The following SPECC1L variants were observed in gnomAD, a reference collection of about 807,000 sequenced individuals.
The protein encoded by SPECC1L is cytospin-A.
In SPECC1L, 40 loss-of-function variants were observed where a neutral mutation model predicts 116.8. The ratio of observed to expected loss-of-function variants is 0.34; its 90% confidence interval spans 0.27 to 0.45. SPECC1L has a LOEUF of 0.45. Ranked by LOEUF, SPECC1L falls within the 20% of genes least tolerant of loss-of-function variation. SPECC1L has a pLI of 1.00. For missense variants in SPECC1L, 1,110 were observed against 1,373.6 expected, an observed-to-expected ratio of 0.81 and a Z score of 3.03; for synonymous variants, 504 against 500.6, an observed-to-expected ratio of 1.01 and a Z score of -0.09.
chr22:24,312,381 A>G (rs541246521), intron 3 of SPECC1L, among the ~76,000 whole-genome samples: 18 of 152,358 alleles, frequency 1.2e-4, no homozygotes, highest in African/African-American at 4.1e-4. Context: ...GACTTTAGAG[A>G]TTAGTTACTT....
rs117668482 is a variant in SPECC1L, at chr22:24,416,981, A to G, written c.*2358A>G. The G allele has an allele frequency of 6.6e-6, 1 of 152,484 alleles. No homozygotes were observed. The highest frequency in any genetic ancestry group is 1.9e-4 in the East Asian group (1 of 5,188). 9.4% of individuals were successfully genotyped at this position (152,484 alleles called of 1,614,324 possible). ...GAAGCATTGCCTTTTGCCTCGTCTA[A>G]TAGGATCCTTAGGACACTGTGGGCT... On this transcript the variant is annotated 3_prime_UTR_variant, in exon 17 of 17. Coordinates refer to ENST00000314328, the MANE Select transcript of SPECC1L (RefSeq NM_015330.6).
intron 6 of SPECC1L, among the ~76,000 whole-genome samples, chr22:24,325,354 A>C (rs1213190008): frequency 6.6e-6 from 1 of 152,100 alleles, no homozygotes; most frequent in African/African-American, 2.4e-5. Flanking sequence ...TAGTCTTCAC[A>C]ACAAGAACTT....
At chr22:24,313,269 T>G in intron 3 of SPECC1L, 44 bp from the exon 4 acceptor site, 1 of 1,606,896 alleles carries the variant, frequency 6.2e-7, no homozygotes, top group Non-Finnish European at 8.5e-7. Context: ...ATATCTAATC[T>G]TGCTTGATCT....
intron 12 of SPECC1L, among the ~76,000 whole-genome samples, 163 bp from the exon 13 acceptor site, chr22:24,365,313 G>GT (rs1439012154): frequency 2.0e-5 from 3 of 151,892 alleles, no homozygotes; most frequent in Admixed American, 6.6e-5. Flanking sequence ...TGGCCTCACA[G>GT]TTTTTTTAAT....
intron 14 of SPECC1L, among the ~76,000 whole-genome samples, chr22:24,372,231 G>A (rs1387539401): frequency 6.6e-6 from 1 of 152,210 alleles, no homozygotes; most frequent in Non-Finnish European, 1.5e-5. Flanking sequence ...CATTCATTCC[G>A]AAATTATTCC....
intron 14 of SPECC1L, among the ~76,000 whole-genome samples, chr22:24,394,840 G>C (rs1242918829): frequency 1.3e-5 from 2 of 152,012 alleles, no homozygotes; most frequent in Admixed American, 1.3e-4. Context: ...TTGTTTTGAG[G>C]GATTTTTTGA....
At chr22:24,302,045 CAAAA>C in intron 2 of SPECC1L, 146 bp from the exon 3 acceptor site, 3 of 464,560 alleles carry the variant, frequency 6.5e-6, no homozygotes, top group African/African-American at 2.3e-5. Flanking sequence ...GACTCCGTCT[CAAAA>C]AAAAAAAAAA....
chr22:24,291,009 G>C (rs544710054), intron 2 of SPECC1L, among the ~76,000 whole-genome samples: 86 of 152,186 alleles, frequency 5.7e-4, no homozygotes, highest in African/African-American at 2.0e-3. Context: ...CTTTCCCTGA[G>C]TTATAGTTTC....
chr22:24,279,313 A>T (rs1569400414), intron 2 of SPECC1L, among the ~76,000 whole-genome samples: 2 of 152,002 alleles, frequency 1.3e-5, no homozygotes, highest in Non-Finnish European at 2.9e-5. Context: ...GCCTGTGCTG[A>T]CCTCTACTCT....
chr22:24,352,932 C>T (rs781355982), intron 11 of SPECC1L, among the ~76,000 whole-genome samples: 1 of 152,174 alleles, frequency 6.6e-6, no homozygotes, highest in South Asian at 2.1e-4. Context: ...AGCCTAGATT[C>T]TGTGGCATTC....
At position 24,416,447 on chromosome 22, in the gene SPECC1L, G is replaced by C. The variant is rs1241056372; in HGVS notation, c.*1824G>C. ...TTTTTGTTGCTGTTCCTCTGTTGAT[G>C]GCCAGCTCTGCTGTTGGCATGAGCC... On this transcript the variant is annotated 3_prime_UTR_variant, in exon 17 of 17. Transcript: ENST00000314328. The C allele has an allele frequency of 1.3e-5, 2 of 152,362 alleles. No homozygotes were observed. Among genetic ancestry groups the C allele is most frequent in the African/African-American group, 4.8e-5 (2 of 41,460 alleles). 9.4% of individuals were successfully genotyped at this position (152,362 alleles called of 1,614,324 possible).
intron 9 of SPECC1L, among the ~76,000 whole-genome samples, chr22:24,338,023 A>C (rs892503653): frequency 6.6e-5 from 10 of 152,230 alleles, no homozygotes; most frequent in African/African-American, 2.2e-4. Context: ...TTTACCTGCC[A>C]GGCTTCTTAC....
chr22:24,326,318 A>G (rs2040820820), intron 6 of SPECC1L, among the ~76,000 whole-genome samples: 1 of 152,070 alleles, frequency 6.6e-6, no homozygotes, highest in Non-Finnish European at 1.5e-5. Flanking sequence ...AACATTAGAA[A>G]TTTTTCAGCT....
intron 3 of SPECC1L, among the ~76,000 whole-genome samples, chr22:24,304,071 G>A (rs1483343742): frequency 1.3e-5 from 2 of 152,086 alleles, no homozygotes; most frequent in East Asian, 1.9e-4. Context: ...AGACCCCACA[G>A]TGTTATTTTA....
chr22:24,387,408 T>C (rs1388553970), intron 14 of SPECC1L, among the ~76,000 whole-genome samples: 2 of 152,178 alleles, frequency 1.3e-5, no homozygotes, highest in Non-Finnish European at 2.9e-5. Flanking sequence ...AGGGATCCTT[T>C]CTGGGATTCT....
At chr22:24,309,412 T>C (rs1013394081) in intron 3 of SPECC1L, among the ~76,000 whole-genome samples, 2 of 152,190 alleles carry the variant, frequency 1.3e-5, no homozygotes, top group African/African-American at 4.8e-5. Context: ...AGTTCAATTT[T>C]TTTTTCTTTT....
intron 14 of SPECC1L, among the ~76,000 whole-genome samples, chr22:24,406,843 T>A (rs1170971616): frequency 6.6e-6 from 1 of 152,224 alleles, no homozygotes; most frequent in Non-Finnish European, 1.5e-5. Flanking sequence ...TCGTTGTTCT[T>A]ATAATTTAGT....
chr22:24,394,641 C>T (rs2042333320), intron 14 of SPECC1L, among the ~76,000 whole-genome samples: 1 of 152,212 alleles, frequency 6.6e-6, no homozygotes, highest in Admixed American at 6.5e-5. Context: ...TCTACCCTGT[C>T]ACTTTACCAC....
Position 24,396,423 on chromosome 22 carries a change from G to A in SPECC1L, c.3088-15165G>A, listed in dbSNP as rs141005085. Among the ~76,000 whole-genome samples, 1,456 of 152,050 alleles carry A rather than the reference G, an allele frequency of 9.6e-3. 15 individuals carry two copies. Among genetic ancestry groups the A allele is most frequent in the Middle Eastern group, 0.034 (10 of 294 alleles). ...AGCGATTCTCCTGCATCAGCCTCCT[G>A]AGTAGCTGGGATTACAGGCGTCTGC... On this transcript the variant is annotated intron_variant, in intron 14 of 16. Transcript: ENST00000314328.
Sources: gnomAD v4.1 joint callset for allele counts (sites outside exome capture counted in the v4.1 genomes callset) on GRCh38, gnomAD v4.1.1 for gene constraint, MANE v1.5 for transcripts, NCBI Gene and HGNC (gene_info 2026-07-23, HGNC 2026-07-21) for gene names.